Variants in ZNF423 observed in about 807,000 individuals in gnomAD.
ZNF423 encodes the protein zinc finger protein 423.
A neutral mutation model predicts 95.8 loss-of-function variants in ZNF423; 12 were observed. The ratio of observed to expected loss-of-function variants is 0.13; its 90% CI spans 0.08 to 0.20. ZNF423 has a LOEUF of 0.20. Among genes scored for constraint, ZNF423 ranks in the 10% least tolerant of loss-of-function variants. The pLI is 1.00. For missense variants in ZNF423, 1,316 were observed against 1,737.1 expected (o/e 0.76, Z 4.31); for synonymous variants, 749 against 711.9 (o/e 1.05, Z -0.83).
intron 5 of ZNF423, among the ~76,000 whole-genome samples, chr16:49,558,640 CCACACACACCCACA>C (rs1479086276): frequency 6.6e-6 from 1 of 152,116 alleles, no homozygotes; most frequent in African/African-American, 2.4e-5. Context: ...GCTAAGGGAT[CCACACACACCCACA>C]CACACGCACA....
rs181718125 is a variant in ZNF423 at position 49,499,671 on chromosome 16, A to G, written c.3850-8367T>C. Among the ~76,000 whole-genome samples the G allele has an allele frequency of 2.4e-3, 359 of 152,318 alleles. 7 individuals are homozygous for G. The highest frequency in any genetic ancestry group is 7.9e-4 in the Non-Finnish European group (54 of 68,022). On this transcript the variant is annotated intron_variant, in intron 7 of 7. Transcript: ENST00000563137. The stretch of plus-strand genomic sequence containing the variant: ...CACTTTCCGTGAACCCCCTCTTGCC[A>G]GGACACAAAAGACCAACGCAGGTGG...
chr16:49,649,676 G>GAA, intron 3 of ZNF423, among the ~76,000 whole-genome samples: 1 of 118,878 alleles, frequency 8.4e-6, no homozygotes, highest in Non-Finnish European at 1.9e-5. Flanking sequence ...CACAGGGAGA[G>GAA]AGAGAGAGAG....
intron 2 of ZNF423, among the ~76,000 whole-genome samples, chr16:49,744,188 G>A (rs535485537): frequency 3.3e-5 from 5 of 152,356 alleles, no homozygotes; most frequent in African/African-American, 9.6e-5. Flanking sequence ...CCACAAGTGG[G>A]CTGTAAGACA....
chr16:49,731,731 G>T (rs1471970584), intron 2 of ZNF423, among the ~76,000 whole-genome samples: 1 of 152,190 alleles, frequency 6.6e-6, no homozygotes, highest in Non-Finnish European at 1.5e-5. Context: ...GATTGCTAGA[G>T]ACCAGGAGTT....
At chr16:49,733,001 G>A (rs542398860) in intron 2 of ZNF423, among the ~76,000 whole-genome samples, 8 of 152,294 alleles carry the variant, frequency 5.3e-5, no homozygotes, top group South Asian at 2.1e-4. Context: ...ATCAGAACGC[G>A]CCAACTCCTG....
chr16:49,735,076 G>T (rs544316831), intron 2 of ZNF423, among the ~76,000 whole-genome samples: 2 of 152,120 alleles, frequency 1.3e-5, no homozygotes, highest in Non-Finnish European at 2.9e-5. Context: ...TTGGGAGTTT[G>T]TAAAACCCCT....
At chr16:49,700,305 C>A (rs2032135735) in intron 3 of ZNF423, among the ~76,000 whole-genome samples, 1 of 152,074 alleles carries the variant, frequency 6.6e-6, no homozygotes, top group Admixed American at 6.5e-5. Flanking sequence ...GAACAAAGGT[C>A]TTCAGCTAAA....
intron 5 of ZNF423, among the ~76,000 whole-genome samples, chr16:49,538,095 T>A (rs1969116590): frequency 6.6e-6 from 1 of 152,176 alleles, no homozygotes; most frequent in Non-Finnish European, 1.5e-5. Context: ...GAGGCAGAGC[T>A]TACTGACAGC....
intron 3 of ZNF423, among the ~76,000 whole-genome samples, chr16:49,666,114 AAT>A: frequency 6.6e-6 from 1 of 152,330 alleles, no homozygotes; most frequent in East Asian, 1.9e-4. Context: ...GGGGAGACGG[AAT>A]GCGGCCCCCC....
chr16:49,784,479 C>T (rs981525982), intron 2 of ZNF423, among the ~76,000 whole-genome samples: 2 of 152,156 alleles, frequency 1.3e-5, no homozygotes, highest in East Asian at 3.8e-4. Context: ...AAAATGTGGT[C>T]CTCCCATACA....
Position 49,637,126 on chromosome 16 carries a change from A to G in ZNF423, c.2050T>C (p.Ser684Pro). The G allele has an allele frequency of 6.2e-7, 1 of 1,612,882 alleles. No homozygotes were observed. Among genetic ancestry groups the G allele is most frequent in the Non-Finnish European group, 8.5e-7 (1 of 1,179,800 alleles). Residue 684 changes from serine (S) to proline (P), a missense_variant, in exon 4 of 8, where the codon TCC (serine) becomes CCC (proline). Ser to Pro is a moderately conservative substitution (Grantham distance 74). Around this residue, in one of 6 missense-constraint regions of ZNF423, gnomAD observed 620 missense variants for 775.6 expected, o/e 0.80. Transcript: ENST00000563137. The surrounding 1 kb of genome is among the most constrained non-coding windows in gnomAD (Gnocchi z 5.6). Reference protein sequence around the residue: ...QCKEDFDSQESLLQHLTVHYM... With the variant: ...QCKEDFDSQEPLLQHLTVHYM... The stretch of plus-strand genomic sequence containing the variant: ...TGCACTGTCAGGTGCTGCAGGAGGG[A>G]CTCCTGGGAGTCAAAGTCCTCTTTG...
chr16:49,505,508 C>A (rs143782260), intron 7 of ZNF423, among the ~76,000 whole-genome samples: 1 of 151,916 alleles, frequency 6.6e-6, no homozygotes, highest in East Asian at 1.9e-4. Context: ...CCAAGAATGG[C>A]CCCCAGCCCC....
intron 4 of ZNF423, among the ~76,000 whole-genome samples, chr16:49,629,996 C>G (rs1030769835): frequency 6.6e-6 from 1 of 152,248 alleles, no homozygotes; most frequent in Non-Finnish European, 1.5e-5. Context: ...GCTCCAGGAC[C>G]TGCTCTGACA....
intron 1 of ZNF423, among the ~76,000 whole-genome samples, chr16:49,833,553 TAAGAA>T (rs2035083754): frequency 6.6e-6 from 1 of 151,894 alleles, no homozygotes. Flanking sequence ...ATTAGGCAAA[TAAGAA>T]AAGATGTCCT....
intron 3 of ZNF423, among the ~76,000 whole-genome samples, chr16:49,693,280 C>T (rs1033970623): frequency 3.3e-5 from 5 of 152,056 alleles, no homozygotes; most frequent in African/African-American, 1.2e-4. Context: ...GGGAAGAACC[C>T]GTGAGTATGA....
At chr16:49,604,025 C>A (rs1464687646) in intron 5 of ZNF423, among the ~76,000 whole-genome samples, 3 of 152,218 alleles carry the variant, frequency 2.0e-5, no homozygotes, top group Non-Finnish European at 4.4e-5. Flanking sequence ...AGACGAAAGG[C>A]CCTTGGGTGT....
intron 5 of ZNF423, among the ~76,000 whole-genome samples, chr16:49,576,045 C>T (rs2151794861): frequency 6.6e-6 from 1 of 152,282 alleles, no homozygotes; most frequent in South Asian, 2.1e-4. Context: ...AGGGGCAGGG[C>T]TATTTCAAAG....
chr16:49,618,663 A>G (rs1223436322), intron 5 of ZNF423, among the ~76,000 whole-genome samples: 2 of 152,200 alleles, frequency 1.3e-5, no homozygotes, highest in African/African-American at 4.8e-5. Context: ...TAAATCACCC[A>G]GTCTTGGGTA....
intron 7 of ZNF423, among the ~76,000 whole-genome samples, chr16:49,519,418 C>A (rs1022751318): frequency 6.6e-6 from 1 of 152,196 alleles, no homozygotes; most frequent in African/African-American, 2.4e-5. Flanking sequence ...GTGAAAGTTC[C>A]TATCCCGCCC....
Sources: allele counts gnomAD v4.1 joint callset (sites outside exome capture counted in the v4.1 genomes callset), GRCh38; gene constraint gnomAD v4.1.1; regional missense constraint gnomAD v4.1.1; non-coding constraint Gnocchi (gnomAD v3.1); transcripts MANE v1.5; gene names NCBI Gene and HGNC (gene_info 2026-07-23, HGNC 2026-07-21).